The following TAFA1 variants were observed in gnomAD, a reference collection of about 807,000 sequenced individuals.
TAFA1 encodes chemokine-like protein TAFA-1.
A neutral mutation model predicts 18.5 loss-of-function variants in TAFA1; 4 were observed. That is an observed-to-expected ratio of 0.22 (90% confidence interval 0.11 to 0.49). The LOEUF (loss-of-function observed/expected upper bound fraction) is 0.49, where lower values mean the gene tolerates loss of function less well. Ranked by LOEUF, TAFA1 falls within the 20% of genes least tolerant of loss-of-function variation. The pLI, the probability that TAFA1 is intolerant of heterozygous loss-of-function variation, is 0.98. For synonymous variants in TAFA1, 56 were observed against 55.2 expected (o/e 1.01, Z -0.06); for missense variants, 147 against 169.0 (o/e 0.87, Z 0.72).
intron 2 of TAFA1, among the ~76,000 whole-genome samples, chr3:68,239,768 G>A (rs1188575549): frequency 1.3e-5 from 2 of 152,140 alleles, no homozygotes; most frequent in African/African-American, 4.8e-5. Context: ...ACAGCCAACT[G>A]ATCGACTGAA....
intron 3 of TAFA1, among the ~76,000 whole-genome samples, chr3:68,467,875 G>C (rs796794721): frequency 1.3e-5 from 2 of 152,280 alleles, no homozygotes; most frequent in African/African-American, 4.8e-5. Flanking sequence ...TGAAAAAAGA[G>C]TTCAGGGGAG....
chr3:68,519,137 C>A (rs1049159188), intron 3 of TAFA1, among the ~76,000 whole-genome samples: 1 of 152,148 alleles, frequency 6.6e-6, no homozygotes, highest in Non-Finnish European at 1.5e-5. Flanking sequence ...ACCCTCAATT[C>A]GTATGTTAAA....
chr3:68,317,811 G>A (rs531791466), intron 2 of TAFA1, among the ~76,000 whole-genome samples: 3 of 152,212 alleles, frequency 2.0e-5, no homozygotes, highest in Admixed American at 6.5e-5. Flanking sequence ...TGGATCTGTC[G>A]AGGTGGTTTT....
intron 3 of TAFA1, among the ~76,000 whole-genome samples, chr3:68,472,503 T>A (rs1002880532): frequency 7.1e-6 from 1 of 141,132 alleles, no homozygotes; most frequent in Non-Finnish European, 1.5e-5. Context: ...TAGAACTAAA[T>A]ACACACACAC....
chr3:68,503,421 C>G (rs1178751802), intron 3 of TAFA1, among the ~76,000 whole-genome samples: 3 of 152,050 alleles, frequency 2.0e-5, no homozygotes, highest in Admixed American at 2.0e-4. Context: ...GTGAATGAAG[C>G]CAGGTGCAAA....
intron 2 of TAFA1, among the ~76,000 whole-genome samples, chr3:68,072,995 A>C (rs1464488753): frequency 6.6e-6 from 1 of 152,238 alleles, no homozygotes; most frequent in East Asian, 1.9e-4. Flanking sequence ...CTAAAAAGGA[A>C]GAATGTACTC....
chr3:68,197,723 T>G (rs2066428406), intron 2 of TAFA1, among the ~76,000 whole-genome samples: 1 of 151,658 alleles, frequency 6.6e-6, no homozygotes, highest in South Asian at 2.1e-4. Context: ...GTTTAAAAAC[T>G]TAACAAAAGT....
intron 3 of TAFA1, among the ~76,000 whole-genome samples, chr3:68,436,176 G>A (rs1388652309): frequency 1.3e-5 from 2 of 152,098 alleles, no homozygotes; most frequent in African/African-American, 2.4e-5. Context: ...CTTCCATGTG[G>A]CATTAAAGGT....
At chr3:68,117,433 G>C (rs1205815042) in intron 2 of TAFA1, among the ~76,000 whole-genome samples, 1 of 152,170 alleles carries the variant, frequency 6.6e-6, no homozygotes, top group Non-Finnish European at 1.5e-5. Flanking sequence ...AGAGTAGCGG[G>C]TATGATTTGC....
intron 3 of TAFA1, among the ~76,000 whole-genome samples, chr3:68,535,077 G>A (rs1394015114): frequency 6.6e-6 from 1 of 152,104 alleles, no homozygotes; most frequent in Admixed American, 6.6e-5. Flanking sequence ...TATTAGGTGG[G>A]GTTTAAGTGG....
intron 3 of TAFA1, among the ~76,000 whole-genome samples, chr3:68,526,643 A>C (rs1480467506): frequency 6.6e-6 from 1 of 152,178 alleles, no homozygotes; most frequent in Non-Finnish European, 1.5e-5. Context: ...CAAAAACTAT[A>C]TTATAGAGTC....
At chr3:68,521,230 G>A (rs558710517) in intron 3 of TAFA1, among the ~76,000 whole-genome samples, 19 of 152,172 alleles carry the variant, frequency 1.2e-4, no homozygotes, top group Non-Finnish European at 2.5e-4. Flanking sequence ...TTTCCAGAGC[G>A]CCCTCCCCAG....
rs551848902 is a variant in TAFA1, at chr3:68,338,010, C to T, written c.119-79270C>T. 3.3e-5 allele frequency among the ~76,000 whole-genome samples: 5 copies of T among 152,268 alleles called. No homozygotes were observed. The East Asian group carries it at 9.6e-4, about 29-fold the overall frequency. On this transcript the variant is annotated intron_variant, in intron 2 of 4. Transcript: ENST00000478136. ...AATTAGATTAGCTGGTGTTCAAGTG[C>T]AAAGCTTAAGGTTCTTTGGGTTGGA...
At chr3:68,403,739 G>T (rs2070541192) in intron 2 of TAFA1, among the ~76,000 whole-genome samples, 1 of 152,162 alleles carries the variant, frequency 6.6e-6, no homozygotes, top group African/African-American at 2.4e-5. Flanking sequence ...TTATTATCTG[G>T]ATGTTTATGG....
chr3:68,531,016 C>CAACAAAACAAAACAAAACAAAACAA (rs59861876), intron 3 of TAFA1, among the ~76,000 whole-genome samples: 1 of 147,518 alleles, frequency 6.8e-6, no homozygotes, highest in South Asian at 2.2e-4. Flanking sequence ...TTAACAACAA[C>CAACAAAACAAAACAAAACAAAACAA]AACAAAACAA....
intron 1 of TAFA1, 42 bp downstream of exon 1, chr3:68,004,744 C>G (rs1399407950): frequency 6.6e-6 from 1 of 152,050 alleles, no homozygotes; most frequent in Non-Finnish European, 1.5e-5. Context: ...GAAAGCAGAT[C>G]TGAAACATAT....
At chr3:68,004,937 C>T (rs1426128541) in intron 1 of TAFA1, among the ~76,000 whole-genome samples, 3 of 152,030 alleles carry the variant, frequency 2.0e-5, no homozygotes, top group Non-Finnish European at 4.4e-5. Context: ...CATAAAATCA[C>T]AGTAATCCTT....
chr3:68,254,147 A>ATCTG (rs2067251029), intron 2 of TAFA1, among the ~76,000 whole-genome samples: 2 of 129,284 alleles, frequency 1.5e-5, no homozygotes, highest in African/African-American at 3.1e-5. Context: ...CTATCTATCT[A>ATCTG]TCTATCTATC....
chr3:68,411,817 A>G (rs1197412306), intron 2 of TAFA1, among the ~76,000 whole-genome samples: 1 of 152,188 alleles, frequency 6.6e-6, no homozygotes, highest in Non-Finnish European at 1.5e-5. Context: ...ATACAAGCCC[A>G]GGCTTCCATG....
Sources: gnomAD v4.1 joint callset for allele counts (sites outside exome capture counted in the v4.1 genomes callset) on GRCh38, gnomAD v4.1.1 for gene constraint, MANE v1.5 for transcripts, NCBI Gene and HGNC (gene_info 2026-07-23, HGNC 2026-07-21) for gene names.